CHGA: variants seen among roughly 807,000 people sequenced by gnomAD.
CHGA encodes chromogranin A.
Under a neutral mutation model 54.4 loss-of-function variants are expected in CHGA, and 41 were observed. The ratio of observed to expected loss-of-function variants is 0.75; its 90% CI spans 0.59 to 0.98. The LOEUF (loss-of-function observed/expected upper bound fraction) is 0.98. CHGA is among the 50% of genes least tolerant of loss of function. The pLI, the probability that CHGA is intolerant of heterozygous loss-of-function variation, is 0.00. For synonymous variants in CHGA, 249 were observed against 232.8 expected, an observed-to-expected ratio of 1.07 and a Z score of -0.63; for missense variants, 576 against 582.3, an observed-to-expected ratio of 0.99 and a Z score of 0.11.
chr14:92,926,571 C>G, intron 2 of CHGA, 34 bp from the exon 3 acceptor site: 1 of 1,594,800 alleles, frequency 6.3e-7, no homozygotes, highest in Non-Finnish European at 8.6e-7. Context: ...CATGCTCAAA[C>G]CAGCCCCAAC....
At chr14:92,923,132 C>A (rs1427439621), upstream of CHGA, 2 of 337,690 alleles carry the variant, frequency 5.9e-6, no homozygotes, top group African/African-American at 4.3e-5. Flanking sequence ...ATAAGCGGGG[C>A]GCGAGGGCGC....
At chr14:92,924,557 G>A (rs1192756922) in intron 2 of CHGA, among the ~76,000 whole-genome samples, 1 of 152,230 alleles carries the variant, frequency 6.6e-6, no homozygotes, top group Non-Finnish European at 1.5e-5. Flanking sequence ...CCAGGGGCTG[G>A]TGGGGGTGGC....
chr14:92,933,549 G>A (rs577071061), intron 7 of CHGA, among the ~76,000 whole-genome samples: 87 of 152,090 alleles, frequency 5.7e-4, no homozygotes, highest in African/African-American at 2.0e-3. Context: ...GCAGCTAGGC[G>A]GCTGGGATAC....
At chr14:92,925,383 G>A (rs1357820117) in intron 2 of CHGA, among the ~76,000 whole-genome samples, 1 of 152,180 alleles carries the variant, frequency 6.6e-6, no homozygotes, top group African/African-American at 2.4e-5. Context: ...GAGATACAGG[G>A]TACAGGCTGC....
At chr14:92,923,557 T>C (rs1886828847) in intron 1 of CHGA, 152 bp downstream of exon 1, 2 of 673,538 alleles carry the variant, frequency 3.0e-6, no homozygotes, top group Non-Finnish European at 4.2e-6. Flanking sequence ...GCCTCCCGCC[T>C]GACCCTGCAG....
chr14:92,925,320 C>T (rs1206444306), intron 2 of CHGA, among the ~76,000 whole-genome samples: 3 of 152,296 alleles, frequency 2.0e-5, no homozygotes, highest in South Asian at 4.1e-4. Context: ...AGAAAATGCC[C>T]TCTCGAACAG....
At position 92,923,155 on chromosome 14, in the gene CHGA, C is replaced by G. The variant is rs1886815739; in HGVS notation, c.-205C>G. 1 of 367,330 alleles carries G rather than the reference C, an allele frequency of 2.7e-6. No individual in the cohort carries two copies. Among genetic ancestry groups the G allele is most frequent in the Non-Finnish European group, 4.7e-6 (1 of 212,094 alleles). The allele number at this position is 367,330 out of a possible 1,614,324, so 22.8% of individuals were successfully genotyped here. A position where few individuals can be genotyped will look rare whatever the true frequency, so the allele number is the denominator to read the frequency against. ...GGCGCGAGGGCGCTGCTGCTGCCAC[C>G]GCTCCTGCCACTGCAGTGCTCGAGC... On this transcript the variant is annotated 5_prime_UTR_variant, in exon 1 of 8. Transcript: ENST00000216492.
In CHGA at chr14:92,923,353, G is replaced by A. The variant is rs1427462789; in HGVS notation, c.-7G>A. 12 of 1,321,694 alleles carry A rather than the reference G, an allele frequency of 9.1e-6. No homozygotes were observed. The Admixed American group carries it at 3.9e-4, about 43-fold the overall frequency. 81.9% of individuals were successfully genotyped at this position (1,321,694 alleles called of 1,614,324 possible). A position where few individuals can be genotyped will look rare whatever the true frequency, so the allele number is the denominator to read the frequency against. On this transcript the variant is annotated 5_prime_UTR_variant, in exon 1 of 8. Coordinates refer to ENST00000216492, the MANE Select transcript of CHGA (RefSeq NM_001275.4). ...ACACCGCCAGCTGCTCGGCGCCCGGGTCCGCCATGCGCTCCGCCGCTGTCC... is the reference window on the plus strand; with the variant it reads ...ACACCGCCAGCTGCTCGGCGCCCGGATCCGCCATGCGCTCCGCCGCTGTCC...
intron 3 of CHGA, among the ~76,000 whole-genome samples, chr14:92,927,167 G>A (rs1886902516): frequency 6.6e-6 from 1 of 152,196 alleles, no homozygotes; most frequent in Non-Finnish European, 1.5e-5. Context: ...CATTTCGGTT[G>A]GGCTTTAAAA....
Position 92,931,238 on chromosome 14 carries a change from C to T in CHGA, c.356-12C>T. The T allele has an allele frequency of 6.3e-7, 1 of 1,598,690 alleles. No homozygotes were observed. The highest frequency in any genetic ancestry group is 8.5e-7 in the Non-Finnish European group (1 of 1,169,616). On this transcript the variant is annotated splice_polypyrimidine_tract_variant and intron_variant, in intron 5 of 7. Coordinates refer to ENST00000216492, the MANE Select transcript of CHGA (RefSeq NM_001275.4). ...GTCCTCAGGGCCTGACTTGGCTGTG[C>T]TGTGTCTGCAGAGGCGGTGGAAGAG...
Position 92,931,606 on chromosome 14 carries a change from G to A in CHGA, c.712G>A (p.Glu238Lys). ...EEEEEEEEEAEAGEEAVPEEE... is the reference protein window; with the variant it reads ...EEEEEEEEEAKAGEEAVPEEE... ...GGAGGAGGAGGAGGAGGAGGAGGCT[G>A]AGGCTGGAGAGGAGGCTGTCCCCGA... The change falls in exon 6 of 8, where the codon GAG (glutamate) becomes AAG (lysine). Residue 238 changes from glutamate to lysine, a missense_variant. Physicochemically the swap from Glu to Lys is moderately conservative, Grantham distance 56. Coordinates refer to ENST00000216492, the MANE Select transcript of CHGA (RefSeq NM_001275.4). The A allele has an allele frequency of 6.2e-7, 1 of 1,613,292 alleles. No individual in the cohort carries two copies. The highest frequency in any genetic ancestry group is 8.5e-7 in the Non-Finnish European group (1 of 1,179,790).
rs1834403572 is a variant in CHGA at position 92,932,903 on chromosome 14, G to GCAGC, written c.1290+54_1290+57dup. The GCAGC allele has an allele frequency of 2.8e-6, 4 of 1,450,674 alleles. No homozygotes were observed. In the East Asian group the frequency reaches 1.0e-4, roughly 36 times the overall value. 89.9% of individuals were successfully genotyped at this position (1,450,674 alleles called of 1,614,324 possible). A position where few individuals can be genotyped will look rare whatever the true frequency, so the allele number is the denominator to read the frequency against. On this transcript the variant is annotated intron_variant, in intron 7 of 7. Transcript: ENST00000216492. This position sits in a 1 kb window ranked among gnomAD's most constrained non-coding sequence, Gnocchi z 5.3. ...GTGCCAGGCCACGGAGCAGCAGGGGGCAGCCGCACCCAGACACACTGCCCC... is the reference window on the plus strand; with the variant it reads ...GTGCCAGGCCACGGAGCAGCAGGGGGCAGCCAGCCGCACCCAGACACACTGCCCC...
At chr14:92,933,005 G>GTTCTCCCACCC in intron 7 of CHGA, 154 bp downstream of exon 7, 2 of 1,195,090 alleles carry the variant, frequency 1.7e-6, no homozygotes, top group Non-Finnish European at 2.3e-6. Context: ...CTCTCAGGGT[G>GTTCTCCCACCC]GGAGAACACC....
Position 92,926,663 on chromosome 14 carries a change from C to T in CHGA, c.152C>T (p.Pro51Leu). 1 of 1,614,058 alleles carries T rather than the reference C, an allele frequency of 6.2e-7. No homozygotes were observed. Among genetic ancestry groups the T allele is most frequent in the Non-Finnish European group, 8.5e-7 (1 of 1,180,026 alleles). Residue 51 changes from proline (P) to leucine (L), a missense_variant, in exon 3 of 8, where the codon CCT becomes CTT. Transcript: ENST00000216492. Reference protein sequence around the residue: ...SDTLSKPSPMPVSQECFETLR... With the variant: ...SDTLSKPSPMLVSQECFETLR... ...ACACTTTCCAAGCCCAGCCCCATGC[C>T]TGTCAGCCAGGAATGTTTTGAGACA... is the stretch of plus-strand genomic sequence containing the variant.
At chr14:92,923,897 A>G (rs1475438754) in intron 1 of CHGA, among the ~76,000 whole-genome samples, 2 of 139,684 alleles carry the variant, frequency 1.4e-5, no homozygotes, top group African/African-American at 2.7e-5. Context: ...TCTGTCTCCC[A>G]CCCGTCCCAC....
intron 7 of CHGA, among the ~76,000 whole-genome samples, chr14:92,934,405 CG>C (rs2139676566): frequency 6.6e-6 from 1 of 152,300 alleles, no homozygotes; most frequent in South Asian, 2.1e-4. Flanking sequence ...AAGACAGACC[CG>C]GAAGTCCCAG....
chr14:92,929,281 G>T (rs1886947437), intron 4 of CHGA, among the ~76,000 whole-genome samples: 1 of 152,136 alleles, frequency 6.6e-6, no homozygotes, highest in Admixed American at 6.5e-5. Flanking sequence ...CCTGCTGCAG[G>T]GTTCCTGGAG....
Position 92,931,525 on chromosome 14 carries a change from G to A in CHGA, c.631G>A (p.Val211Met), listed in dbSNP as rs939898262. The change falls in exon 6 of 8, where the codon GTG (valine) becomes ATG (methionine). Residue 211 changes from valine (V) to methionine (M), a missense_variant. Val to Met is a conservative substitution (Grantham distance 21). Transcript: ENST00000216492. ...CAGTGAGGGCCTCTCTCAGGGTCTG[G>A]TGGACAGAGAGAAGGGCCTGAGTGC... The part of the protein sequence containing the change: ...GDSEGLSQGL[V>M]DREKGLSAEP... The A allele has an allele frequency of 2.0e-5, 32 of 1,612,796 alleles. No homozygotes were observed. The highest frequency in any genetic ancestry group is 2.7e-5 in the Non-Finnish European group (32 of 1,179,812).
At chr14:92,923,722 G>A (rs528821536) in intron 1 of CHGA, among the ~76,000 whole-genome samples, 1 of 152,344 alleles carries the variant, frequency 6.6e-6, no homozygotes, top group East Asian at 1.9e-4. Context: ...TCACTGCGGG[G>A]AGGTGGGAGC....
Sources: allele counts gnomAD v4.1 joint callset (sites outside exome capture counted in the v4.1 genomes callset), GRCh38; gene constraint gnomAD v4.1.1; non-coding constraint Gnocchi (gnomAD v3.1); transcripts MANE v1.5; gene names NCBI Gene and HGNC (gene_info 2026-07-23, HGNC 2026-07-21).